The following CLEC2A variants were observed in gnomAD, a reference collection of about 807,000 sequenced individuals.
CLEC2A encodes the protein keratinocyte-associated C-type lectin.
Under a neutral mutation model 18.6 loss-of-function variants are expected in CLEC2A, and 19 were observed. The observed-to-expected ratio is 1.02, with a 90% CI of 0.71 to 1.50. CLEC2A has a LOEUF of 1.50. CLEC2A is among the 40% of genes most tolerant of loss of function. The pLI is 0.00. For missense variants in CLEC2A, 190 were observed against 207.9 expected (o/e 0.91, Z 0.53); for synonymous variants, 74 against 64.0 (o/e 1.16, Z -0.75).
chr12:9,919,740 G>A (rs948258388), intron 3 of CLEC2A, among the ~76,000 whole-genome samples: 1 of 152,114 alleles, frequency 6.6e-6, no homozygotes, highest in Admixed American at 6.5e-5. Flanking sequence ...TATTTACCTC[G>A]GATTTTCTGA....
intron 2 of CLEC2A, among the ~76,000 whole-genome samples, chr12:9,922,476 T>C (rs686394): frequency 0.11 from 16,026 of 152,220 alleles, 1,078 homozygotes; most frequent in South Asian, 0.32. Context: ...CACTAGCTTC[T>C]CATAATCTAT....
At chr12:9,916,267 G>C (rs1456645868) in intron 4 of CLEC2A, among the ~76,000 whole-genome samples, 3 of 151,922 alleles carry the variant, frequency 2.0e-5, no homozygotes, top group Non-Finnish European at 2.9e-5. Flanking sequence ...TATTCATTGT[G>C]GTGGGCATTT....
At chr12:9,896,894 C>T (rs1477446667), downstream of CLEC2A, among the ~76,000 whole-genome samples, 1 of 144,484 alleles carries the variant, frequency 6.9e-6, no homozygotes, top group Non-Finnish European at 1.5e-5. Context: ...GAGTCTCACT[C>T]TGTTGCCCAG....
intron 4 of CLEC2A, among the ~76,000 whole-genome samples, chr12:9,899,310 T>C (rs1862793975): frequency 6.6e-6 from 1 of 152,050 alleles, no homozygotes; most frequent in Non-Finnish European, 1.5e-5. Context: ...TCTCATAGTA[T>C]GGAGACACAA....
the CLEC2A span, chr12:9,881,343 A>C: frequency 5.3e-6 from 2 of 374,510 alleles, no homozygotes; most frequent in African/African-American, 4.1e-5. Flanking sequence ...AAAACAGTGG[A>C]ACACACTAGC....
At position 9,916,780 on chromosome 12, in the gene CLEC2A, T is replaced by C; in HGVS notation, c.330A>G (p.Gly110=). ...EDMEFLKRYA[G]TDMHWIGLSR... ...TTAGTCCAATCCAGTGCATATCAGT[T>C]CCTGCGTACCTCTTCAAAAATTCCT... The change falls in exon 4 of 5, where the codon GGA becomes GGG. Residue 110 remains glycine, a synonymous_variant. Transcript: ENST00000455827. 2 of 1,551,144 alleles carry C rather than the reference T, an allele frequency of 1.3e-6. No individual in the cohort carries two copies. Among genetic ancestry groups the C allele is most frequent in the Non-Finnish European group, 1.7e-6 (2 of 1,146,382 alleles).
chr12:9,906,761 A>G (rs112058570), intron 4 of CLEC2A, among the ~76,000 whole-genome samples: 227 of 152,358 alleles, frequency 1.5e-3, no homozygotes, highest in African/African-American at 5.3e-3. Flanking sequence ...GGAGCCATCT[A>G]TAAACAAATA....
downstream of CLEC2A, among the ~76,000 whole-genome samples, chr12:9,893,762 G>T (rs1390465906): frequency 6.6e-6 from 1 of 151,428 alleles, no homozygotes; most frequent in Non-Finnish European, 1.5e-5. Flanking sequence ...TTGAAAAATG[G>T]GATGGAAAGT....
chr12:9,897,458 C>T (rs1209548935), downstream of CLEC2A, among the ~76,000 whole-genome samples: 3 of 151,838 alleles, frequency 2.0e-5, no homozygotes, highest in East Asian at 1.9e-4. Flanking sequence ...CTCCTTAGTT[C>T]AGCTGAAATC....
At chr12:9,914,586 C>T (rs1289447395) in intron 4 of CLEC2A, among the ~76,000 whole-genome samples, 2 of 152,104 alleles carry the variant, frequency 1.3e-5, no homozygotes, top group African/African-American at 4.8e-5. Context: ...TGAACTTTGA[C>T]AAACCTGACA....
downstream of CLEC2A, among the ~76,000 whole-genome samples, chr12:9,911,185 A>G (rs985518779): frequency 1.3e-5 from 2 of 152,158 alleles, no homozygotes; most frequent in African/African-American, 4.8e-5. Flanking sequence ...GGGGAGAAGG[A>G]GGGAAGAGAA....
rs1362412603 is a variant in CLEC2A, at chr12:9,913,413, G to A, written c.*153C>T. The A allele has an allele frequency of 7.5e-7, 1 of 1,330,202 alleles. No individual in the cohort carries two copies. Among genetic ancestry groups the A allele is most frequent in the African/African-American group, 1.5e-5 (1 of 67,102 alleles). 82.4% of individuals were successfully genotyped at this position (1,330,202 alleles called of 1,614,324 possible). ...GGCCTTGTCTCTTTAACCATGGCAG[G>A]GCACAGCAAGAAGTTTCCATCTATA... On this transcript the variant is annotated 3_prime_UTR_variant, in exon 5 of 5. Transcript: ENST00000455827.
At chr12:9,893,235 A>G in the CLEC2A span, 1 of 1,429,444 alleles carries the variant, frequency 7.0e-7, no homozygotes, top group South Asian at 1.3e-5. Context: ...TCACTGCCTA[A>G]GAAGCTTGGG....
At chr12:9,894,109 CTTT>C (rs1168422390), downstream of CLEC2A, among the ~76,000 whole-genome samples, 3 of 136,376 alleles carry the variant, frequency 2.2e-5, no homozygotes, top group African/African-American at 8.5e-5. Context: ...CTCTCTTTTT[CTTT>C]TTCTTTCTTT....
intron 4 of CLEC2A, among the ~76,000 whole-genome samples, chr12:9,906,078 T>C (rs1591786091): frequency 6.6e-6 from 1 of 150,420 alleles, no homozygotes; most frequent in Admixed American, 6.7e-5. Flanking sequence ...TTGGCTAGGG[T>C]ATAAATTCCT....
At chr12:9,908,509 G>A (rs918151132), downstream of CLEC2A, among the ~76,000 whole-genome samples, 4 of 152,054 alleles carry the variant, frequency 2.6e-5, no homozygotes, top group Non-Finnish European at 4.4e-5. Flanking sequence ...GGAAACAGAG[G>A]AGCGGGCTGC....
At chr12:9,890,334 T>C in the CLEC2A span, among the ~76,000 whole-genome samples, 74 of 152,344 alleles carry the variant, frequency 4.9e-4, no homozygotes, top group Admixed American at 5.9e-4. Context: ...AATTAAGTCC[T>C]CTGCTCAGGG....
chr12:9,881,681 C>T, the CLEC2A span: 1 of 1,513,460 alleles, frequency 6.6e-7, no homozygotes, highest in Non-Finnish European at 8.9e-7. Flanking sequence ...AATACTGCTC[C>T]CCATCACCGC....
chr12:9,924,783 G>C (rs1863240764), intron 2 of CLEC2A, among the ~76,000 whole-genome samples: 1 of 152,074 alleles, frequency 6.6e-6, no homozygotes, highest in African/African-American at 2.4e-5. Flanking sequence ...CCCGAAATAT[G>C]TCACTCAGGC....
Sources: gnomAD v4.1 joint callset for allele counts (sites outside exome capture counted in the v4.1 genomes callset) on GRCh38, gnomAD v4.1.1 for gene constraint, MANE v1.5 for transcripts, NCBI Gene and HGNC (gene_info 2026-07-23, HGNC 2026-07-21) for gene names.